The following GFRA1 variants were observed in gnomAD, a reference collection of about 807,000 sequenced individuals.
GFRA1 encodes the protein GDNF family receptor alpha-1.
GFRA1 carries 16 observed loss-of-function variants against 51.6 expected under a neutral mutation model. The observed-to-expected ratio is 0.31, with a 90% CI of 0.21 to 0.47. GFRA1 has a LOEUF of 0.47. GFRA1 is among the 20% of genes least tolerant of loss of function. The probability of loss-of-function intolerance (pLI) is 1.00; values close to 1 mark genes in which losing one functional copy is unlikely to be tolerated. For synonymous variants in GFRA1, 270 were observed against 241.3 expected, an observed-to-expected ratio of 1.12 and a Z score of -1.10; for missense variants, 530 against 594.3, an observed-to-expected ratio of 0.89 and a Z score of 1.13.
chr10:116,174,212 C>A (rs1429739786), intron 5 of GFRA1, among the ~76,000 whole-genome samples: 1 of 152,052 alleles, frequency 6.6e-6, no homozygotes, highest in Non-Finnish European at 1.5e-5. Flanking sequence ...TCCTTGTGAG[C>A]TAAAATATGA....
At chr10:116,237,667 C>A (rs754672092) in intron 4 of GFRA1, among the ~76,000 whole-genome samples, 10 of 151,942 alleles carry the variant, frequency 6.6e-5, no homozygotes, top group Non-Finnish European at 1.2e-4. Flanking sequence ...TCCATAGGCA[C>A]CCACCCCCCA....
At chr10:116,116,735 T>G (rs916550019) in intron 6 of GFRA1, among the ~76,000 whole-genome samples, 1 of 152,252 alleles carries the variant, frequency 6.6e-6, no homozygotes, top group Non-Finnish European at 1.5e-5. Flanking sequence ...AAGCACTCTA[T>G]TATAAGCAAC....
At chr10:116,250,842 G>C (rs564008364) in intron 4 of GFRA1, among the ~76,000 whole-genome samples, 1 of 152,284 alleles carries the variant, frequency 6.6e-6, no homozygotes, top group South Asian at 2.1e-4. Flanking sequence ...ACAGGGCAGC[G>C]GAAGGAGATA....
chr10:116,225,082 G>A (rs1232218974), intron 4 of GFRA1, among the ~76,000 whole-genome samples: 4 of 152,078 alleles, frequency 2.6e-5, no homozygotes, highest in Admixed American at 2.0e-4. Context: ...GTTCAATACA[G>A]TAGCCCCCAG....
Position 116,059,879 on chromosome 10 carries a change from C to T in GFRA1, c.*4519G>A, listed in dbSNP as rs1431366891. The T allele has an allele frequency of 6.6e-6, 1 of 152,172 alleles. No homozygotes were observed. The highest frequency in any genetic ancestry group is 2.4e-5 in the African/African-American group (1 of 41,434). 9.4% of individuals were successfully genotyped at this position (152,172 alleles called of 1,614,324 possible). ...CAGATCATCTGGCTCCTGAGAGAGG[C>T]TTCTCTGTCTTAAAATATATCTGTT... is the stretch of plus-strand genomic sequence containing the variant. On this transcript the variant is annotated 3_prime_UTR_variant, in exon 11 of 11. Transcript: ENST00000355422.
At chr10:116,256,487 A>G (rs1473265527) in intron 4 of GFRA1, among the ~76,000 whole-genome samples, 1 of 152,158 alleles carries the variant, frequency 6.6e-6, no homozygotes, top group African/African-American at 2.4e-5. Context: ...CATAAAAACA[A>G]TGTCATAACA....
At chr10:116,178,317 C>T (rs1303479405) in intron 5 of GFRA1, among the ~76,000 whole-genome samples, 1 of 150,996 alleles carries the variant, frequency 6.6e-6, no homozygotes, top group African/African-American at 2.5e-5. Flanking sequence ...CGTTTTACTC[C>T]CCTCAAACTC....
At chr10:116,189,900 T>C (rs1489714205) in intron 5 of GFRA1, among the ~76,000 whole-genome samples, 1 of 152,192 alleles carries the variant, frequency 6.6e-6, no homozygotes, top group Non-Finnish European at 1.5e-5. Flanking sequence ...GGTTTTTTTT[T>C]TAAGGTCTCT....
chr10:116,224,912 T>C (rs10885879), intron 4 of GFRA1, among the ~76,000 whole-genome samples: 60,791 of 152,082 alleles, frequency 0.4, 13,264 homozygotes, highest in East Asian at 0.55. Flanking sequence ...GCTAGGCAAG[T>C]CAATCTCACA....
intron 6 of GFRA1, among the ~76,000 whole-genome samples, chr10:116,108,787 T>C (rs2133957861): frequency 6.6e-6 from 1 of 152,330 alleles, no homozygotes; most frequent in African/African-American, 2.4e-5. Context: ...CTTTCTATTC[T>C]ATATCTTCAC....
intron 5 of GFRA1, among the ~76,000 whole-genome samples, chr10:116,179,662 C>A (rs934507858): frequency 6.6e-6 from 1 of 152,152 alleles, no homozygotes; most frequent in African/African-American, 2.4e-5. Flanking sequence ...ACACAGAGAT[C>A]TGCTTTGGGC....
chr10:116,255,495 G>GAAAA, intron 4 of GFRA1: 1 of 667,640 alleles, frequency 1.5e-6, no homozygotes, highest in East Asian at 8.5e-5. Flanking sequence ...GAATCATCAG[G>GAAAA]AAAAAAAAAA....
intron 9 of GFRA1, among the ~76,000 whole-genome samples, chr10:116,073,771 A>G (rs1955504714): frequency 6.6e-6 from 1 of 152,188 alleles, no homozygotes; most frequent in African/African-American, 2.4e-5. Flanking sequence ...ATATTTATTA[A>G]GCCTCTCATT....
chr10:116,116,052 T>A (rs946944056), intron 6 of GFRA1, among the ~76,000 whole-genome samples: 1 of 152,066 alleles, frequency 6.6e-6, no homozygotes, highest in African/African-American at 2.4e-5. Context: ...GATCCAGAGG[T>A]CTTGCTTCCA....
At chr10:116,138,652 C>G (rs1958436011) in intron 5 of GFRA1, among the ~76,000 whole-genome samples, 2 of 149,186 alleles carry the variant, frequency 1.3e-5, no homozygotes, top group South Asian at 4.4e-4. Context: ...CCCGACCCAC[C>G]CAACACACAC....
At chr10:116,199,742 A>C (rs1177667524) in intron 5 of GFRA1, among the ~76,000 whole-genome samples, 2 of 152,240 alleles carry the variant, frequency 1.3e-5, no homozygotes, top group Non-Finnish European at 2.9e-5. Flanking sequence ...TGAAATTTAC[A>C]TACAGTGAAA....
chr10:116,084,638 A>G (rs990603985), intron 9 of GFRA1, among the ~76,000 whole-genome samples: 4 of 152,296 alleles, frequency 2.6e-5, no homozygotes, highest in African/African-American at 4.8e-5. Context: ...GACCACAGAA[A>G]TCAGAGGTCG....
At chr10:116,077,665 A>G (rs1173395809) in intron 9 of GFRA1, among the ~76,000 whole-genome samples, 2 of 152,252 alleles carry the variant, frequency 1.3e-5, no homozygotes, top group African/African-American at 4.8e-5. Context: ...TATTCTAACA[A>G]TATGTTGAAC....
chr10:116,130,785 A>AT (rs1958074502), intron 5 of GFRA1, among the ~76,000 whole-genome samples: 1 of 152,184 alleles, frequency 6.6e-6, no homozygotes, highest in African/African-American at 2.4e-5. Flanking sequence ...CTAATGTAAT[A>AT]TGGATCACAG....
Sources: allele counts gnomAD v4.1 joint callset (sites outside exome capture counted in the v4.1 genomes callset), GRCh38; gene constraint gnomAD v4.1.1; transcripts MANE v1.5; gene names NCBI Gene and HGNC (gene_info 2026-07-23, HGNC 2026-07-21).